Variants in SRGAP2 observed in about 807,000 individuals in gnomAD.
The protein encoded by SRGAP2 is SLIT-ROBO Rho GTPase activating protein 2, also known as SLIT-ROBO Rho GTPase-activating protein 2.
Under a neutral mutation model 57.2 loss-of-function variants are expected in SRGAP2, and 15 were observed. That is an observed-to-expected ratio of 0.26 (90% CI 0.18 to 0.40). The LOEUF is 0.40. Among genes scored for constraint, SRGAP2 ranks in the 10% least tolerant of loss-of-function variants. The pLI, the probability that SRGAP2 is intolerant of heterozygous loss-of-function variation, is 1.00. For synonymous variants in SRGAP2, 249 were observed against 248.0 expected, an observed-to-expected ratio of 1.00 and a Z score of -0.04; for missense variants, 520 against 669.6, an observed-to-expected ratio of 0.78 and a Z score of 2.47.
intron 4 of SRGAP2, among the ~76,000 whole-genome samples, chr1:206,346,813 A>AT (rs1675665536): frequency 6.6e-6 from 1 of 152,232 alleles, no homozygotes; most frequent in East Asian, 1.9e-4. Context: ...AAGTCATTAT[A>AT]TTTTGAACCT....
chr1:206,265,561 C>T lies in SRGAP2; in HGVS notation c.68-37720C>T, dbSNP rs1292997100. ...GCTCCTAAAGTCCTAGAAAGACGGT[C>T]ACAGAAATACCAAGAGAGAAGGAAT... On this transcript the variant is annotated intron_variant, in intron 2 of 22. Coordinates refer to ENST00000573034, the MANE Select transcript of SRGAP2 (RefSeq NM_015326.5). 4.6e-4 allele frequency among the ~76,000 whole-genome samples: 36 copies of T among 77,666 alleles called. 1 individual carries two copies. Among genetic ancestry groups the T allele is most frequent in the Non-Finnish European group, 8.5e-4 (34 of 40,172 alleles). 51.0% of individuals were successfully genotyped at this position (77,666 alleles called of 152,430 possible).
At chr1:206,305,659 G>T (rs1553617616) in intron 3 of SRGAP2, among the ~76,000 whole-genome samples, 17,803 of 149,200 alleles carry the variant, frequency 0.12, 2,517 homozygotes, top group African/African-American at 0.31. Context: ...TAGTAGATGC[G>T]CACTAAATAT....
At chr1:206,408,648 A>G (rs1658910659) in intron 10 of SRGAP2, among the ~76,000 whole-genome samples, 2 of 151,418 alleles carry the variant, frequency 1.3e-5, no homozygotes, top group Non-Finnish European at 2.9e-5. Context: ...TAGGTTACGT[A>G]AGAAATTTTG....
chr1:206,431,385 C>G (rs568968932), intron 14 of SRGAP2, among the ~76,000 whole-genome samples: 1 of 152,164 alleles, frequency 6.6e-6, no homozygotes, highest in Non-Finnish European at 1.5e-5. Flanking sequence ...AATAAGTAAG[C>G]AAGTGATAAG....
chr1:206,428,191 C>T (rs151163512), intron 13 of SRGAP2, among the ~76,000 whole-genome samples: 1,920 of 152,072 alleles, frequency 0.013, 25 homozygotes, highest in South Asian at 0.027. Flanking sequence ...CCGAGACAGG[C>T]GGATCACGAG....
chr1:206,249,815 A>G (rs1255674432), intron 2 of SRGAP2, among the ~76,000 whole-genome samples: 1 of 150,366 alleles, frequency 6.7e-6, no homozygotes, highest in African/African-American at 2.5e-5. Context: ...AATATACCCC[A>G]CTTCATATTT....
chr1:206,267,292 AG>A (rs1379521068), intron 2 of SRGAP2, among the ~76,000 whole-genome samples: 1 of 152,168 alleles, frequency 6.6e-6, no homozygotes, highest in East Asian at 1.9e-4. Context: ...ATGGCGCTAG[AG>A]GCTCAAAATT....
intron 3 of SRGAP2, among the ~76,000 whole-genome samples, chr1:206,322,339 C>A (rs1313608413): frequency 1.0e-4 from 15 of 144,284 alleles, no homozygotes; most frequent in Non-Finnish European, 2.0e-4. Flanking sequence ...TTTGGGAGGC[C>A]GAGGCGGGCC....
At chr1:206,306,350 G>T (rs1672196633) in intron 3 of SRGAP2, among the ~76,000 whole-genome samples, 1 of 152,084 alleles carries the variant, frequency 6.6e-6, no homozygotes, top group Admixed American at 6.5e-5. Flanking sequence ...CACGGTGAGT[G>T]TTACAGCTCT....
chr1:206,262,306 T>A lies in SRGAP2; in HGVS notation c.68-40975T>A, dbSNP rs1669604904. Among the ~76,000 whole-genome samples the A allele has an allele frequency of 2.0e-5, 3 of 150,196 alleles. No homozygotes were observed. The South Asian group carries it at 6.2e-4, about 31-fold the overall frequency. ...ATATCTACCATGCAGTGTTTTTGTT[T>A]TTTTTTTTTGAAATGATTAAATGAG... On this transcript the variant is annotated intron_variant, in intron 2 of 22. Coordinates refer to ENST00000573034, the MANE Select transcript of SRGAP2 (RefSeq NM_015326.5).
chr1:206,276,973 T>C (rs1392957310), intron 2 of SRGAP2, among the ~76,000 whole-genome samples: 1 of 151,338 alleles, frequency 6.6e-6, no homozygotes, highest in East Asian at 1.9e-4. Flanking sequence ...CTCTTTTTTT[T>C]TTTTTTTTGA....
intron 13 of SRGAP2, 79 bp from the exon 14 acceptor site, chr1:206,430,083 A>G: frequency 1.3e-6 from 1 of 774,230 alleles, no homozygotes; most frequent in Non-Finnish European, 2.4e-6. Context: ...ACAGTTCTGC[A>G]CGGTTTGGCC....
chr1:206,417,424 T>C (rs1659831120), intron 11 of SRGAP2, among the ~76,000 whole-genome samples: 1 of 144,722 alleles, frequency 6.9e-6, no homozygotes, highest in South Asian at 2.2e-4. Context: ...CTTTTTTTTT[T>C]TTTTTTTTTT....
intron 3 of SRGAP2, among the ~76,000 whole-genome samples, chr1:206,318,411 A>G (rs1553326587): frequency 6.6e-6 from 1 of 152,156 alleles, no homozygotes; most frequent in African/African-American, 2.4e-5. Flanking sequence ...ACTCCTTTTT[A>G]TACATTGACT....
At chr1:206,323,396 C>T (rs1328551845) in intron 3 of SRGAP2, among the ~76,000 whole-genome samples, 1 of 151,608 alleles carries the variant, frequency 6.6e-6, no homozygotes, top group Non-Finnish European at 1.5e-5. Context: ...GGGACATAGG[C>T]CAGACATGCA....
intron 3 of SRGAP2, among the ~76,000 whole-genome samples, chr1:206,306,310 C>T (rs1442726629): frequency 2.0e-5 from 3 of 151,878 alleles, no homozygotes; most frequent in African/African-American, 4.8e-5. Flanking sequence ...TTCGTGGTCT[C>T]GCTGGCTCAG....
intron 2 of SRGAP2, among the ~76,000 whole-genome samples, chr1:206,289,449 AT>A (rs1178141971): frequency 3.6e-4 from 53 of 145,444 alleles, no homozygotes; most frequent in Admixed American, 5.4e-4. Context: ...CTTTTTTTGT[AT>A]TTTTTTTTAG....
intron 2 of SRGAP2, among the ~76,000 whole-genome samples, chr1:206,292,775 A>G (rs1486601069): frequency 3.7e-4 from 56 of 150,736 alleles, no homozygotes; most frequent in African/African-American, 9.9e-4. Flanking sequence ...ACTGCCATCT[A>G]TAATATTTGC....
intron 4 of SRGAP2, among the ~76,000 whole-genome samples, chr1:206,348,059 C>T (rs1328336583): frequency 1.4e-5 from 2 of 147,338 alleles, no homozygotes; most frequent in Non-Finnish European, 3.0e-5. Flanking sequence ...TATTGAACCC[C>T]CTTAAGGGAG....
Sources: gnomAD v4.1 joint callset for allele counts (sites outside exome capture counted in the v4.1 genomes callset) on GRCh38, gnomAD v4.1.1 for gene constraint, MANE v1.5 for transcripts, NCBI Gene and HGNC (gene_info 2026-07-23, HGNC 2026-07-21) for gene names.